Variants in SCRG1 observed in about 807,000 individuals in gnomAD.
The protein encoded by SCRG1 is stimulator of chondrogenesis 1, also known as scrapie-responsive protein 1.
Under a neutral mutation model 7.7 loss-of-function variants are expected in SCRG1, and 3 were observed. The ratio of observed to expected loss-of-function variants is 0.39; its 90% CI spans 0.18 to 1.01. The LOEUF (loss-of-function observed/expected upper bound fraction) is 1.01. SCRG1 is among the 50% of genes least tolerant of loss of function. The probability of loss-of-function intolerance (pLI) is 0.36; values close to 1 mark genes in which losing one functional copy is unlikely to be tolerated. For synonymous variants in SCRG1, 46 were observed against 41.2 expected (o/e 1.12, Z -0.44); for missense variants, 110 against 117.2 (o/e 0.94, Z 0.28).
upstream of SCRG1, among the ~76,000 whole-genome samples, chr4:173,402,362 G>A (rs1194040841): frequency 2.6e-5 from 4 of 151,810 alleles, no homozygotes; most frequent in African/African-American, 4.8e-5. Context: ...AGACCAATTC[G>A]TGAGTAGAGA....
At chr4:173,509,234 T>TGC in the SCRG1 span, among the ~76,000 whole-genome samples, 1 of 152,186 alleles carries the variant, frequency 6.6e-6, no homozygotes, top group Non-Finnish European at 1.5e-5. This position sits in a 1 kb window ranked among gnomAD's most constrained non-coding sequence, Gnocchi z 5.7. Flanking sequence ...AAGAGAGGGT[T>TGC]GCGCGCGCGC....
At chr4:173,431,860 G>A in the SCRG1 span, among the ~76,000 whole-genome samples, 1 of 152,170 alleles carries the variant, frequency 6.6e-6, no homozygotes, top group East Asian at 1.9e-4. Flanking sequence ...CATGCAAGGA[G>A]GTGTGTTGAA....
At chr4:173,432,103 G>T in the SCRG1 span, among the ~76,000 whole-genome samples, 1 of 152,196 alleles carries the variant, frequency 6.6e-6, no homozygotes, top group Non-Finnish European at 1.5e-5. Context: ...GTTGCACATT[G>T]TGATGTTGTC....
the SCRG1 span, among the ~76,000 whole-genome samples, chr4:173,441,056 G>T: frequency 6.6e-6 from 1 of 152,112 alleles, no homozygotes; most frequent in Non-Finnish European, 1.5e-5. Flanking sequence ...TTTGGGGGTG[G>T]GTGGGGGGAC....
upstream of SCRG1, among the ~76,000 whole-genome samples, chr4:173,401,891 A>G (rs1313064937): frequency 2.0e-5 from 3 of 152,338 alleles, no homozygotes; most frequent in East Asian, 3.9e-4. Context: ...GATGTCCATT[A>G]CATGGGGATG....
At chr4:173,503,046 G>A in the SCRG1 span, among the ~76,000 whole-genome samples, 2 of 152,196 alleles carry the variant, frequency 1.3e-5, no homozygotes, top group South Asian at 4.1e-4. This position sits in a 1 kb window ranked among gnomAD's most constrained non-coding sequence, Gnocchi z 6.4. Flanking sequence ...CTCAGCTCAG[G>A]GAGGGGCAGT....
chr4:173,400,055 ATTG>A (rs1272703194), upstream of SCRG1, among the ~76,000 whole-genome samples: 30 of 152,224 alleles, frequency 2.0e-4, no homozygotes, highest in Non-Finnish European at 7.3e-5. Context: ...TGCTAAAAAA[ATTG>A]TTTTTATCGT....
At chr4:173,485,423 T>G in the SCRG1 span, among the ~76,000 whole-genome samples, 1 of 150,922 alleles carries the variant, frequency 6.6e-6, no homozygotes, top group East Asian at 2.0e-4. Flanking sequence ...TGAGGCTATC[T>G]GGGCCATTCA....
chr4:173,505,465 CA>C, the SCRG1 span, among the ~76,000 whole-genome samples: 2 of 152,098 alleles, frequency 1.3e-5, no homozygotes, highest in African/African-American at 2.4e-5. The surrounding 1 kb of genome is among the most constrained non-coding windows in gnomAD (Gnocchi z 4.4). Flanking sequence ...GCCATCAGTA[CA>C]TTGGGAAAGT....
intron 1 of SCRG1, among the ~76,000 whole-genome samples, chr4:173,405,308 G>A (rs1470276644): frequency 6.6e-6 from 1 of 152,216 alleles, no homozygotes; most frequent in African/African-American, 2.4e-5. Flanking sequence ...CAGAGTTAAA[G>A]TGCCATTTCC....
the SCRG1 span, among the ~76,000 whole-genome samples, chr4:173,505,780 G>A: frequency 6.6e-6 from 1 of 152,328 alleles, no homozygotes; most frequent in Admixed American, 6.5e-5. The surrounding 1 kb of genome is among the most constrained non-coding windows in gnomAD (Gnocchi z 4.4). Context: ...CGGCTGGGAG[G>A]TGGAAGCACA....
chr4:173,490,230 C>A, the SCRG1 span, among the ~76,000 whole-genome samples: 1 of 152,166 alleles, frequency 6.6e-6, no homozygotes, highest in Non-Finnish European at 1.5e-5. Flanking sequence ...GGATAATTTT[C>A]TTTGACATTA....
chr4:173,452,094 A>T, the SCRG1 span, among the ~76,000 whole-genome samples: 17 of 152,208 alleles, frequency 1.1e-4, no homozygotes, highest in East Asian at 2.3e-3. Flanking sequence ...TCTTCATGAC[A>T]TGAGACACAA....
chr4:173,476,363 A>AAAAAAAATATATATATATATATAT, the SCRG1 span, among the ~76,000 whole-genome samples: 437 of 98,324 alleles, frequency 4.4e-3, 9 homozygotes, highest in East Asian at 8.4e-3. Context: ...GGAAAAAAAA[A>AAAAAAAATATATATATATATATAT]ATATATATAT....
chr4:173,501,462 G>C, the SCRG1 span, among the ~76,000 whole-genome samples: 1 of 152,214 alleles, frequency 6.6e-6, no homozygotes, highest in Admixed American at 6.5e-5. The surrounding 1 kb of genome is among the most constrained non-coding windows in gnomAD (Gnocchi z 5.1). Flanking sequence ...CCTTCCCAGT[G>C]CGCCTGTGGT....
chr4:173,462,277 C>G, the SCRG1 span, among the ~76,000 whole-genome samples: 2 of 152,008 alleles, frequency 1.3e-5, no homozygotes, highest in Non-Finnish European at 2.9e-5. Flanking sequence ...TCCCAAAGGT[C>G]AAGGATAAAG....
chr4:173,430,076 G>A, the SCRG1 span, among the ~76,000 whole-genome samples: 1 of 151,768 alleles, frequency 6.6e-6, no homozygotes, highest in Non-Finnish European at 1.5e-5. Flanking sequence ...CAAATCTTTG[G>A]GCCCATGAAA....
the SCRG1 span, among the ~76,000 whole-genome samples, chr4:173,448,523 T>A: frequency 6.6e-6 from 1 of 152,252 alleles, no homozygotes; most frequent in Non-Finnish European, 1.5e-5. Flanking sequence ...AAATGACCCT[T>A]CTGTGAACAA....
the SCRG1 span, among the ~76,000 whole-genome samples, chr4:173,492,952 C>G: frequency 2.6e-5 from 4 of 152,182 alleles, no homozygotes; most frequent in Admixed American, 2.6e-4. Flanking sequence ...CAAACACACT[C>G]TTCTACAGGG....
Sources: gnomAD v4.1 joint callset for allele counts (sites outside exome capture counted in the v4.1 genomes callset) on GRCh38, gnomAD v4.1.1 for gene constraint, Gnocchi (gnomAD v3.1) non-coding constraint, MANE v1.5 for transcripts, NCBI Gene and HGNC (gene_info 2026-07-23, HGNC 2026-07-21) for gene names.